Variants in TNR observed in about 807,000 individuals in gnomAD.
The protein encoded by TNR is tenascin-R.
In TNR, 45 loss-of-function variants were observed where a neutral mutation model predicts 150.4. The ratio of observed to expected loss-of-function variants is 0.30; its 90% CI spans 0.24 to 0.38. The LOEUF is 0.38. Ranked by LOEUF, TNR falls within the 10% of genes least tolerant of loss-of-function variation. The pLI is 1.00. For missense variants in TNR, 1,544 were observed against 1,759.1 expected, an observed-to-expected ratio of 0.88 and a Z score of 2.19; for synonymous variants, 687 against 678.4, an observed-to-expected ratio of 1.01 and a Z score of -0.20.
chr1:175,389,622 T>C (rs1030664650), intron 7 of TNR, among the ~76,000 whole-genome samples: 2 of 152,266 alleles, frequency 1.3e-5, no homozygotes, highest in African/African-American at 4.8e-5. Context: ...CTTTGGGTCT[T>C]CATTTCTGAA....
In TNR at chr1:175,498,606, A is replaced by T. The variant is rs557346745; in HGVS notation, c.-64+29663T>A. On this transcript the variant is annotated intron_variant, in intron 2 of 22. Transcript: ENST00000367674. ...ATGTGCCATCATCCCTCACTCTTCT[A>T]TTCTTGTGTTTTTCTTCCTAGCATA... Among the ~76,000 whole-genome samples, 241 of 152,252 alleles carry T rather than the reference A, an allele frequency of 1.6e-3. 1 individual carries two copies. Among genetic ancestry groups the T allele is most frequent in the African/African-American group, 5.6e-3 (234 of 41,540 alleles).
rs878884450 is a variant in TNR at position 175,324,232 on chromosome 1, A to C, written c.3957+124T>G. On this transcript the variant is annotated intron_variant, in intron 22 of 22. Transcript: ENST00000367674. Reference sequence around the variant, plus strand: ...CCCATTGTCTGCATTATTTTTCTCAAGACTCAAAATATTTCTTTTTAAAGG... The same window carrying C: ...CCCATTGTCTGCATTATTTTTCTCACGACTCAAAATATTTCTTTTTAAAGG... The C allele has an allele frequency of 1.9e-5, 21 of 1,110,146 alleles. No homozygotes were observed. In the South Asian group the frequency reaches 3.4e-4, roughly 18 times the overall value. The allele number at this position is 1,110,146 out of a possible 1,614,324, so 68.8% of individuals were successfully genotyped here. A position where few individuals can be genotyped will look rare whatever the true frequency, so the allele number is the denominator to read the frequency against.
chr1:175,656,315 C>G (rs553911746), intron 1 of TNR, among the ~76,000 whole-genome samples: 2 of 152,094 alleles, frequency 1.3e-5, no homozygotes, highest in Non-Finnish European at 2.9e-5. Context: ...TGGTGGGTCA[C>G]GCAGGAGAAC....
At chr1:175,456,043 A>G (rs1656558896) in intron 2 of TNR, among the ~76,000 whole-genome samples, 1 of 152,206 alleles carries the variant, frequency 6.6e-6, no homozygotes, top group South Asian at 2.1e-4. Context: ...GCCAGCTCTA[A>G]GGCCTGTTGT....
chr1:175,551,157 G>A (rs910346479), intron 1 of TNR, among the ~76,000 whole-genome samples: 28 of 152,118 alleles, frequency 1.8e-4, no homozygotes, highest in Admixed American at 1.5e-3. Flanking sequence ...GAGAAAAAAG[G>A]CAGGTGACAA....
At chr1:175,518,715 T>C (rs1385013475) in intron 2 of TNR, among the ~76,000 whole-genome samples, 2 of 152,184 alleles carry the variant, frequency 1.3e-5, no homozygotes, top group Non-Finnish European at 2.9e-5. Context: ...CCTTTTAGCA[T>C]CATCTACATT....
chr1:175,380,041 A>G (rs967645150), intron 8 of TNR, among the ~76,000 whole-genome samples: 2 of 152,218 alleles, frequency 1.3e-5, no homozygotes, highest in African/African-American at 4.8e-5. Flanking sequence ...AAGCTTAAAA[A>G]CAAAACAAGG....
chr1:175,459,964 G>A (rs1035734789), intron 2 of TNR, among the ~76,000 whole-genome samples: 1 of 152,102 alleles, frequency 6.6e-6, no homozygotes. Context: ...CAGTAATAAC[G>A]GCTCTTTTCC....
intron 9 of TNR, among the ~76,000 whole-genome samples, chr1:175,377,782 T>C (rs11587163): frequency 0.02 from 3,007 of 152,260 alleles, 35 homozygotes; most frequent in Non-Finnish European, 0.031. Flanking sequence ...AGACAGCAAA[T>C]ACTTTTGCAG....
Position 175,507,224 on chromosome 1 carries a change from C to T in TNR, c.-64+21045G>A, listed in dbSNP as rs115240764. ...GGCAGTGTCTGGGGATACAGGCCAA[C>T]GAGGATGGAGTTGCTATGATGCACC... On this transcript the variant is annotated intron_variant, in intron 2 of 22. Coordinates refer to ENST00000367674, the MANE Select transcript of TNR (RefSeq NM_003285.3). Among the ~76,000 whole-genome samples the T allele has an allele frequency of 7.6e-3, 1,154 of 152,184 alleles. 8 individuals carry two copies. The highest frequency in any genetic ancestry group is 0.026 in the African/African-American group (1,091 of 41,514).
chr1:175,612,141 T>TG (rs1211769493), intron 1 of TNR, among the ~76,000 whole-genome samples: 1 of 152,110 alleles, frequency 6.6e-6, no homozygotes, highest in Non-Finnish European at 1.5e-5. Flanking sequence ...GTTGGGTTTT[T>TG]GGGGGAGCAC....
intron 1 of TNR, among the ~76,000 whole-genome samples, chr1:175,728,254 T>C (rs1667534508): frequency 6.6e-6 from 1 of 152,160 alleles, no homozygotes; most frequent in Admixed American, 6.5e-5. Context: ...GCTGCAATTA[T>C]GTAATTGCTG....
Position 175,439,116 on chromosome 1 carries a change from G to T in TNR, c.-63-32339C>A, listed in dbSNP as rs553518882. 5.5e-4 allele frequency among the ~76,000 whole-genome samples: 83 copies of T among 152,110 alleles called. 3 individuals carry two copies. In the South Asian group the frequency reaches 0.016, roughly 30 times the overall value. On this transcript the variant is annotated intron_variant, in intron 2 of 22. Coordinates refer to ENST00000367674, the MANE Select transcript of TNR (RefSeq NM_003285.3). ...AGCTGGAGGCATCACGCTATCTGAC[G>T]TCAAACTATACTACAAGGCTACAGT...
intron 1 of TNR, among the ~76,000 whole-genome samples, chr1:175,722,059 T>G (rs1667320399): frequency 6.6e-6 from 1 of 152,094 alleles, no homozygotes; most frequent in African/African-American, 2.4e-5. Flanking sequence ...TCCCTCCAGG[T>G]GTTCTCAGTT....
intron 2 of TNR, among the ~76,000 whole-genome samples, chr1:175,442,836 A>C (rs1655857638): frequency 6.6e-6 from 1 of 151,808 alleles, no homozygotes; most frequent in African/African-American, 2.4e-5. Flanking sequence ...ACAACTCCAA[A>C]ACAGGTTGTC....
At chr1:175,654,658 C>G (rs1264296380) in intron 1 of TNR, among the ~76,000 whole-genome samples, 3 of 151,000 alleles carry the variant, frequency 2.0e-5, no homozygotes, top group Non-Finnish European at 4.4e-5. Context: ...TGCCATCTGT[C>G]AAACTCTCTA....
chr1:175,464,935 G>C (rs1425815836), intron 2 of TNR, among the ~76,000 whole-genome samples: 1 of 152,132 alleles, frequency 6.6e-6, no homozygotes, highest in Admixed American at 6.6e-5. Flanking sequence ...GAGAGAGAGA[G>C]GGCTGTTAGC....
chr1:175,627,368 C>A (rs1437697300), intron 1 of TNR, among the ~76,000 whole-genome samples: 1 of 152,200 alleles, frequency 6.6e-6, no homozygotes, highest in Non-Finnish European at 1.5e-5. Context: ...AAAACTTGTT[C>A]TGTCTGCCTC....
intron 1 of TNR, among the ~76,000 whole-genome samples, chr1:175,620,204 A>G (rs373358359): frequency 6.9e-4 from 105 of 152,330 alleles, no homozygotes; most frequent in African/African-American, 2.5e-3. Context: ...AGAGAGTAAT[A>G]GGCAGGATAG....
Sources: allele counts gnomAD v4.1 joint callset (sites outside exome capture counted in the v4.1 genomes callset), GRCh38; gene constraint gnomAD v4.1.1; transcripts MANE v1.5; gene names NCBI Gene and HGNC (gene_info 2026-07-23, HGNC 2026-07-21).